Variants in BLK observed in about 807,000 individuals in gnomAD.
BLK encodes the protein tyrosine-protein kinase Blk.
Under a neutral mutation model 61.8 loss-of-function variants are expected in BLK, and 64 were observed. That is an observed-to-expected ratio of 1.03 (90% CI 0.85 to 1.27). BLK has a LOEUF of 1.27. Among genes scored for constraint, BLK ranks in the 50% most tolerant of loss-of-function variants. The probability of loss-of-function intolerance (pLI) is 0.00; values close to 1 mark genes in which losing one functional copy is unlikely to be tolerated. For missense variants in BLK, 853 were observed against 660.5 expected (o/e 1.29, Z -3.19); for synonymous variants, 351 against 272.0 (o/e 1.29, Z -2.86).
At chr8:11,558,083 TG>T (rs1415017144) in intron 10 of BLK, 45 bp downstream of exon 10, 2 of 1,591,582 alleles carry the variant, frequency 1.3e-6, no homozygotes, top group African/African-American at 2.7e-5. Context: ...ATGTGCCACC[TG>T]CTGCCCACAA....
In BLK at chr8:11,554,774, C is replaced by T. The variant is rs1801111353; in HGVS notation, c.504C>T (p.Thr168=). The T allele has an allele frequency of 6.2e-7, 1 of 1,613,962 alleles. No individual in the cohort carries two copies. The highest frequency in any genetic ancestry group is 8.5e-7 in the Non-Finnish European group (1 of 1,180,016). The change falls in exon 7 of 13, where the codon ACC becomes ACT. Residue 168 remains threonine (T), a synonymous_variant. Coordinates refer to ENST00000259089, the MANE Select transcript of BLK (RefSeq NM_001715.3). The stretch of plus-strand genomic sequence containing the variant: ...TCTCCCTGTCTGTGAAGGATGTCAC[C>T]ACCCAGGGGGAGCTGATCAAGCACT... The part of the protein sequence containing the change: ...GAFSLSVKDV[T]TQGELIKHYK...
chr8:11,531,037 G>C (rs576849488), intron 1 of BLK, among the ~76,000 whole-genome samples: 1 of 152,274 alleles, frequency 6.6e-6, no homozygotes, highest in Non-Finnish European at 1.5e-5. Context: ...TTTAGCATCT[G>C]GGTGGTTGTG....
rs1311573827 is a variant in BLK at position 11,561,470 on chromosome 8, C to T, written c.1180+18C>T. On this transcript the variant is annotated intron_variant, in intron 11 of 12. Transcript: ENST00000259089. ...CCAAGAGGGTAAGCACAGCCCCTAA[C>T]CACAAGGGAAACCTAGGGCCTTATC... 8 of 1,612,706 alleles carry T rather than the reference C, an allele frequency of 5.0e-6. No homozygotes were observed. The Admixed American group carries it at 8.4e-5, about 17-fold the overall frequency.
intron 11 of BLK, among the ~76,000 whole-genome samples, chr8:11,562,302 CAT>C (rs1049102061): frequency 2.0e-5 from 3 of 152,118 alleles, no homozygotes; most frequent in African/African-American, 7.2e-5. Context: ...GAAGGGGTCA[CAT>C]ATATTTATCA....
intron 11 of BLK, among the ~76,000 whole-genome samples, chr8:11,561,903 C>A (rs962140033): frequency 2.1e-4 from 32 of 151,772 alleles, no homozygotes; most frequent in African/African-American, 7.5e-4. Context: ...ACTGCAACCT[C>A]CGCCTCCTGG....
intron 6 of BLK, 139 bp from the exon 7 acceptor site, chr8:11,554,604 G>A (rs1383920203): frequency 1.9e-6 from 2 of 1,054,524 alleles, no homozygotes; most frequent in African/African-American, 3.1e-5. Context: ...GCAGGGAAAG[G>A]AAACTTGTGG....
At chr8:11,527,478 T>C (rs569783009) in intron 1 of BLK, among the ~76,000 whole-genome samples, 2 of 152,000 alleles carry the variant, frequency 1.3e-5, no homozygotes, top group Admixed American at 1.3e-4. Context: ...TTCTTTCTTT[T>C]TTTTTTTTTA....
chr8:11,550,506 C>T (rs113287418), intron 6 of BLK, among the ~76,000 whole-genome samples: 24 of 152,240 alleles, frequency 1.6e-4, no homozygotes, highest in Non-Finnish European at 3.4e-4. Context: ...GGTGGTCCCA[C>T]GCCAGACTGG....
At chr8:11,517,283 G>C (rs989902495) in intron 1 of BLK, among the ~76,000 whole-genome samples, 31 of 152,350 alleles carry the variant, frequency 2.0e-4, no homozygotes, top group African/African-American at 7.5e-4. Context: ...ATGTGGATTT[G>C]TATGTGCAGA....
intron 11 of BLK, among the ~76,000 whole-genome samples, chr8:11,562,596 G>A (rs1336935105): frequency 1.3e-5 from 2 of 152,242 alleles, no homozygotes; most frequent in Non-Finnish European, 1.5e-5. Flanking sequence ...GGAGGCGCCC[G>A]CAGGTTTAAA....
chr8:11,540,667 C>A (rs1189402324), intron 1 of BLK, among the ~76,000 whole-genome samples: 1 of 151,872 alleles, frequency 6.6e-6, no homozygotes, highest in Non-Finnish European at 1.5e-5. Flanking sequence ...ATCTATAAAC[C>A]ATATAAATCA....
chr8:11,558,069 C>T (rs769394285), intron 10 of BLK, 31 bp downstream of exon 10: 65 of 1,606,584 alleles, frequency 4.0e-5, no homozygotes, highest in African/African-American at 1.7e-4. Flanking sequence ...AGAGAAAGGG[C>T]GGCATGTGCC....
chr8:11,519,925 C>T (rs1458009327), intron 1 of BLK, among the ~76,000 whole-genome samples: 1 of 152,196 alleles, frequency 6.6e-6, no homozygotes, highest in Non-Finnish European at 1.5e-5. Flanking sequence ...CAGAGATTGC[C>T]TCTGGGTATT....
chr8:11,552,241 C>T (rs1006999532), intron 6 of BLK, among the ~76,000 whole-genome samples: 5 of 152,190 alleles, frequency 3.3e-5, no homozygotes, highest in Non-Finnish European at 7.4e-5. Flanking sequence ...CCCTGTGATT[C>T]TCTGGGGACA....
At chr8:11,549,003 T>G (rs373776082) in intron 4 of BLK, 21 bp from the exon 5 acceptor site, 3 of 1,591,510 alleles carry the variant, frequency 1.9e-6, no homozygotes, top group African/African-American at 2.7e-5. Flanking sequence ...ATCTCATCTC[T>G]GTTTCCCCTG....
intron 1 of BLK, among the ~76,000 whole-genome samples, chr8:11,516,581 A>G (rs1362430526): frequency 6.6e-6 from 1 of 152,142 alleles, no homozygotes; most frequent in African/African-American, 2.4e-5. Flanking sequence ...CTGTTAAACT[A>G]ACTCCCCGAC....
At chr8:11,562,455 G>A (rs373043825) in intron 11 of BLK, among the ~76,000 whole-genome samples, 1 of 152,136 alleles carries the variant, frequency 6.6e-6, no homozygotes, top group East Asian at 1.9e-4. Flanking sequence ...AAGCCCTGAG[G>A]TCTGCTCCAA....
At position 11,545,859 on chromosome 8, in the gene BLK, G is replaced by A. The variant is rs7815435; in HGVS notation, c.124-193G>A. 3,826 of 687,950 alleles carry A rather than the reference G, an allele frequency of 5.6e-3. 104 individuals carry two copies. In the African/African-American group the frequency reaches 0.059, roughly 11 times the overall value. 42.6% of individuals were successfully genotyped at this position (687,950 alleles called of 1,614,324 possible). On this transcript the variant is annotated intron_variant, in intron 2 of 12. Coordinates refer to ENST00000259089, the MANE Select transcript of BLK (RefSeq NM_001715.3). Reference sequence around the variant, plus strand: ...GCGGTCAGGGCAAAGGCAGCAGAGGGCGGGGGTCTGTCTGAGGGTAGTGCT... The same window carrying A: ...GCGGTCAGGGCAAAGGCAGCAGAGGACGGGGGTCTGTCTGAGGGTAGTGCT...
chr8:11,548,021 G>A lies in BLK; in HGVS notation c.176-11G>A, dbSNP rs1209552223. Reference sequence around the variant, plus strand: ...CCTGAGTGGTGGTCATCTCTCCCTTGTTCATTTTAGACAAGCATTTCGTGG... The same window carrying A: ...CCTGAGTGGTGGTCATCTCTCCCTTATTCATTTTAGACAAGCATTTCGTGG... On this transcript the variant is annotated splice_polypyrimidine_tract_variant and intron_variant, in intron 3 of 12. Transcript: ENST00000259089. 1 of 1,613,200 alleles carries A rather than the reference G, an allele frequency of 6.2e-7. No homozygotes were observed. Among genetic ancestry groups the A allele is most frequent in the African/African-American group, 1.3e-5 (1 of 75,012 alleles).
Sources: gnomAD v4.1 joint callset for allele counts (sites outside exome capture counted in the v4.1 genomes callset) on GRCh38, gnomAD v4.1.1 for gene constraint, MANE v1.5 for transcripts, NCBI Gene and HGNC (gene_info 2026-07-23, HGNC 2026-07-21) for gene names.